MYO1F: variants seen among roughly 807,000 people sequenced by gnomAD.
MYO1F encodes the protein unconventional myosin-If.
In MYO1F, 60 loss-of-function variants were observed where a neutral mutation model predicts 146.6. The ratio of observed to expected loss-of-function variants is 0.41; its 90% CI spans 0.33 to 0.51. MYO1F has a LOEUF of 0.51. Ranked by LOEUF, MYO1F falls within the 20% of genes least tolerant of loss-of-function variation. The pLI is 0.25. For synonymous variants in MYO1F, 602 were observed against 602.1 expected (o/e 1.00, Z 0.00); for missense variants, 1,274 against 1,534.3 (o/e 0.83, Z 2.83).
intron 21 of MYO1F, among the ~76,000 whole-genome samples, chr19:8,528,552 ACT>A (rs1972358541): frequency 6.6e-6 from 1 of 151,964 alleles, no homozygotes; most frequent in African/African-American, 2.4e-5. Flanking sequence ...AAAGAGCAAA[ACT>A]CTGTCTCAAA....
chr19:8,559,840 C>T (rs1568366854), intron 1 of MYO1F, among the ~76,000 whole-genome samples: 2 of 150,396 alleles, frequency 1.3e-5, no homozygotes, highest in African/African-American at 4.9e-5. Context: ...ATCCCAGCTA[C>T]TCGGGAGGCT....
At chr19:8,554,624 G>A in intron 3 of MYO1F, 30 bp downstream of exon 3, 2 of 1,612,426 alleles carry the variant, frequency 1.2e-6, no homozygotes, top group African/African-American at 2.7e-5. Flanking sequence ...GAGTCTGGGG[G>A]CTGTGCCTCC....
chr19:8,551,753 A>G lies in MYO1F; in HGVS notation c.758T>C (p.Phe253Ser). 1 of 1,614,090 alleles carries G rather than the reference A, an allele frequency of 6.2e-7. No homozygotes were observed. Among genetic ancestry groups the G allele is most frequent in the Non-Finnish European group, 8.5e-7 (1 of 1,180,002 alleles). ...QVDGTDDRSD[F>S]GETLSAMQVI... ...GCCGGTGCTCACCAGAGTCTCACCAAAGTCGCTTCTGTCGTCCGTGCCGTC... is the reference window on the plus strand; with the variant it reads ...GCCGGTGCTCACCAGAGTCTCACCAGAGTCGCTTCTGTCGTCCGTGCCGTC... The change falls in exon 8 of 28, where the codon TTT (phenylalanine) becomes TCT (serine). Residue 253 changes from phenylalanine (F) to serine (S), a missense_variant. Transcript: ENST00000644032.
chr19:8,541,964 C>G lies in MYO1F; in HGVS notation c.1552G>C (p.Glu518Gln). The G allele has an allele frequency of 6.2e-7, 1 of 1,613,402 alleles. No individual in the cohort carries two copies. Among genetic ancestry groups the G allele is most frequent in the South Asian group, 1.1e-5 (1 of 91,086 alleles). ...KVSYDVSGFC[E>Q]RNRDVLFSDL... ...GAGAAGAGAACGTCTCGGTTCCTCT[C>G]GCAGAAGCCGCTGACGTCGTAGGAG... The change falls in exon 15 of 28, where the codon GAG (glutamate) becomes CAG (glutamine). Residue 518 changes from glutamate to glutamine, a missense_variant. Around this residue, in one of 2 missense-constraint regions of MYO1F, gnomAD observed 900 missense variants for 1,155.1 expected, o/e 0.78. Transcript: ENST00000644032.
At chr19:8,571,934 A>C (rs1555732056) in intron 1 of MYO1F, among the ~76,000 whole-genome samples, 1 of 152,010 alleles carries the variant, frequency 6.6e-6, no homozygotes, top group African/African-American at 2.4e-5. Flanking sequence ...TGTGTTAGCC[A>C]GGATGGTCTC....
Position 8,521,437 on chromosome 19 carries a change from A to G in MYO1F, c.*91T>C. ...ACTTTTAGGCTATTGCAGCCCAGGT[A>G]AACGAGGCTCTCATTGGCAGGGCCT... is the stretch of plus-strand genomic sequence containing the variant. On this transcript the variant is annotated 3_prime_UTR_variant, in exon 28 of 28. Coordinates refer to ENST00000644032, the MANE Select transcript of MYO1F (RefSeq NM_012335.4). 7.2e-7 allele frequency: 1 copy of G among 1,379,694 alleles called. No homozygotes were observed. Among genetic ancestry groups the G allele is most frequent in the Non-Finnish European group, 1.0e-6 (1 of 976,954 alleles). The allele number at this position is 1,379,694 out of a possible 1,614,324, so 85.5% of individuals were successfully genotyped here. A position where few individuals can be genotyped will look rare whatever the true frequency, so the allele number is the denominator to read the frequency against.
intron 1 of MYO1F, among the ~76,000 whole-genome samples, chr19:8,561,056 A>G (rs1178209054): frequency 6.6e-6 from 1 of 151,372 alleles, no homozygotes; most frequent in East Asian, 1.9e-4. Flanking sequence ...TAATTTTTAA[A>G]TATTTCATAG....
At position 8,521,497 on chromosome 19, in the gene MYO1F, C is replaced by T. The variant is rs763012452; in HGVS notation, c.*31G>A. On this transcript the variant is annotated 3_prime_UTR_variant, in exon 28 of 28. Coordinates refer to ENST00000644032, the MANE Select transcript of MYO1F (RefSeq NM_012335.4). The stretch of plus-strand genomic sequence containing the variant: ...CCAGGCCGGCAGGCAGATAGGCGGG[C>T]GAAAGAGAAGGCAGTATCCCAGGGC... The T allele has an allele frequency of 8.8e-6, 14 of 1,597,648 alleles. No individual in the cohort carries two copies. The highest frequency in any genetic ancestry group is 2.2e-5 in the South Asian group (2 of 89,218).
intron 25 of MYO1F, among the ~76,000 whole-genome samples, chr19:8,524,759 C>T (rs1972197374): frequency 6.6e-6 from 1 of 152,108 alleles, no homozygotes; most frequent in South Asian, 2.1e-4. Context: ...TTCCCTCCTC[C>T]TATCCTCTGT....
chr19:8,535,957 A>T (rs1192954308), intron 19 of MYO1F, among the ~76,000 whole-genome samples: 3 of 152,140 alleles, frequency 2.0e-5, no homozygotes, highest in African/African-American at 7.2e-5. Flanking sequence ...CTGGGATTAC[A>T]GGCATGAGCC....
At chr19:8,567,442 C>T (rs1212866163) in intron 1 of MYO1F, among the ~76,000 whole-genome samples, 4 of 152,050 alleles carry the variant, frequency 2.6e-5, no homozygotes. Flanking sequence ...GATCTCAGCT[C>T]ACTGCAACCT....
Position 8,553,894 on chromosome 19 carries a change from A to ACACACACACTCTCTCT in MYO1F, c.327-458_327-457insAGAGAGAGTGTGTGTG. Among the ~76,000 whole-genome samples, 747 of 102,628 alleles carry ACACACACACTCTCTCT rather than the reference A, an allele frequency of 7.3e-3. 13 individuals are homozygous for ACACACACACTCTCTCT. The highest frequency in any genetic ancestry group is 0.03 in the African/African-American group (709 of 23,946). 67.3% of individuals were successfully genotyped at this position (102,628 alleles called of 152,430 possible). A position where few individuals can be genotyped will look rare whatever the true frequency, so the allele number is the denominator to read the frequency against. On this transcript the variant is annotated intron_variant, in intron 4 of 27. Coordinates refer to ENST00000644032, the MANE Select transcript of MYO1F (RefSeq NM_012335.4). The stretch of plus-strand genomic sequence containing the variant: ...CACACACACACACACACACACACAC[A>ACACACACACTCTCTCT]CTCTCTCTCTCTCTCTCTCTCTCTC...
intron 2 of MYO1F, 101 bp downstream of exon 2, chr19:8,555,558 C>T: frequency 1.9e-6 from 3 of 1,539,710 alleles, no homozygotes; most frequent in Non-Finnish European, 2.7e-6. Context: ...TGGTGCTCTC[C>T]CGGCCCATTC....
intron 18 of MYO1F, 46 bp downstream of exon 18, chr19:8,536,453 G>T: frequency 1.2e-6 from 2 of 1,608,162 alleles, no homozygotes; most frequent in South Asian, 2.2e-5. Context: ...CTGGCTGGGC[G>T]TTCTGATGAA....
intron 1 of MYO1F, among the ~76,000 whole-genome samples, chr19:8,574,577 T>TCTC (rs2042177667): frequency 5.0e-5 from 4 of 79,788 alleles, no homozygotes; most frequent in Admixed American, 1.3e-4. Flanking sequence ...CTTTCTTTCT[T>TCTC]TCTCTCTCTC....
In MYO1F at chr19:8,553,398, A is replaced by G; in HGVS notation, c.366T>C (p.Tyr122=). The G allele has an allele frequency of 1.2e-6, 2 of 1,614,030 alleles. No individual in the cohort carries two copies. Among genetic ancestry groups the G allele is most frequent in the Non-Finnish European group, 1.7e-6 (2 of 1,180,006 alleles). The change falls in exon 5 of 28, where the codon TAT becomes TAC. Residue 122 remains tyrosine, a synonymous_variant. Transcript: ENST00000644032. ...SGAGKTVAAK[Y]IMGYISKVSG... is the part of the protein sequence containing the mutation. ...ACACCTTGGAGATGTAGCCCATGAT[A>G]TATTTGGCTGCCACTGTCTTCCCAG...
At chr19:8,552,993 A>T (rs1973677975) in intron 6 of MYO1F, 146 bp downstream of exon 6, 3 of 785,278 alleles carry the variant, frequency 3.8e-6, no homozygotes, top group Non-Finnish European at 6.7e-6. Flanking sequence ...GCAGGAAGTG[A>T]GTCTCCCCTT....
intron 3 of MYO1F, 41 bp downstream of exon 3, chr19:8,554,613 G>A: frequency 6.2e-7 from 1 of 1,612,218 alleles, no homozygotes; most frequent in Non-Finnish European, 8.5e-7. Context: ...CTGGGGGCCA[G>A]GAGTCTGGGG....
At chr19:8,552,609 AAT>A (rs1973661191) in intron 6 of MYO1F, among the ~76,000 whole-genome samples, 1 of 149,494 alleles carries the variant, frequency 6.7e-6, no homozygotes, top group Non-Finnish European at 1.5e-5. Context: ...GTGCAGGTGT[AAT>A]ACTGAAGTCT....
Sources: gnomAD v4.1 joint callset for allele counts (sites outside exome capture counted in the v4.1 genomes callset) on GRCh38, gnomAD v4.1.1 for gene constraint, gnomAD v4.1.1 regional missense constraint, MANE v1.5 for transcripts, NCBI Gene and HGNC (gene_info 2026-07-23, HGNC 2026-07-21) for gene names.